NUP155: variants seen among roughly 807,000 people sequenced by gnomAD.
The protein encoded by NUP155 is nuclear pore complex protein Nup155.
Under a neutral mutation model 180.4 loss-of-function variants are expected in NUP155, and 71 were observed. The observed-to-expected ratio is 0.39, with a 90% CI of 0.33 to 0.48. NUP155 has a LOEUF of 0.48. NUP155 is among the 20% of genes least tolerant of loss of function. The pLI is 0.91. For synonymous variants in NUP155, 582 were observed against 559.5 expected (o/e 1.04, Z -0.57); for missense variants, 1,553 against 1,648.9 (o/e 0.94, Z 1.01).
At chr5:37,370,356 G>A (rs925268611) in intron 1 of NUP155, among the ~76,000 whole-genome samples, 1 of 152,182 alleles carries the variant, frequency 6.6e-6, no homozygotes, top group South Asian at 2.1e-4. Context: ...TGGGCGAAGA[G>A]GGAACCGCTC....
chr5:37,310,082 T>C (rs1237410589), intron 23 of NUP155, among the ~76,000 whole-genome samples: 1 of 152,114 alleles, frequency 6.6e-6, no homozygotes, highest in Non-Finnish European at 1.5e-5. Flanking sequence ...CTCACACTTA[T>C]AATCCCAGCA....
chr5:37,320,189 G>A (rs1744154488), intron 20 of NUP155, among the ~76,000 whole-genome samples: 1 of 150,422 alleles, frequency 6.6e-6, no homozygotes, highest in Non-Finnish European at 1.5e-5. Flanking sequence ...GACAGACAGA[G>A]ATAAGTGGCA....
chr5:37,337,190 G>A (rs1299268279), intron 12 of NUP155, among the ~76,000 whole-genome samples: 1 of 152,096 alleles, frequency 6.6e-6, no homozygotes, highest in East Asian at 1.9e-4. Context: ...TCCTCACCCA[G>A]GAAGACCATA....
intron 24 of NUP155, among the ~76,000 whole-genome samples, chr5:37,307,923 CA>C (rs1397316331): frequency 3.1e-4 from 27 of 87,926 alleles, no homozygotes; most frequent in Non-Finnish European, 5.9e-4. Flanking sequence ...CTCTGTCTCA[CA>C]AAAAAAAAAA....
Position 37,327,460 on chromosome 5 carries a change from T to C in NUP155, c.2024+169A>G, listed in dbSNP as rs569821353. Among the ~76,000 whole-genome samples the C allele has an allele frequency of 5.3e-5, 8 of 152,262 alleles. No individual in the cohort carries two copies. In the South Asian group the frequency reaches 1.4e-3, roughly 28 times the overall value. ...GAGAAATAAAACACAGCAATGAATA[T>C]AGTTAGATAACAAAAACTGGAATAA... On this transcript the variant is annotated intron_variant, in intron 18 of 34. Transcript: ENST00000231498.
intron 30 of NUP155, 67 bp downstream of exon 30, chr5:37,301,370 A>C (rs897598247): frequency 9.3e-7 from 1 of 1,076,226 alleles, no homozygotes. Context: ...ACAAAAAGCA[A>C]AATAAAAAAC....
chr5:37,303,544 T>G lies in NUP155; in HGVS notation c.3163-130A>C, dbSNP rs1408227234. The G allele has an allele frequency of 4.0e-6, 3 of 757,458 alleles. No individual in the cohort carries two copies. The Admixed American group carries it at 6.9e-5, about 17-fold the overall frequency. 46.9% of individuals were successfully genotyped at this position (757,458 alleles called of 1,614,324 possible). The stretch of plus-strand genomic sequence containing the variant: ...TTTATGAAAACAAGCAAAATTATAA[T>G]CCAATACTAACAGATAAAAGAGAGG... On this transcript the variant is annotated intron_variant, in intron 27 of 34. Transcript: ENST00000231498.
intron 1 of NUP155, 82 bp downstream of exon 1, chr5:37,370,739 G>A: frequency 6.2e-7 from 1 of 1,612,614 alleles, no homozygotes; most frequent in Non-Finnish European, 8.5e-7. Context: ...TCCTCGCCGG[G>A]ACCAACGCTG....
chr5:37,332,101 C>T (rs1745002736), intron 13 of NUP155, among the ~76,000 whole-genome samples: 1 of 150,222 alleles, frequency 6.7e-6, no homozygotes, highest in Non-Finnish European at 1.5e-5. Context: ...CAAAGCTGCC[C>T]CTTAAACCAG....
intron 30 of NUP155, among the ~76,000 whole-genome samples, chr5:37,300,180 GTGTA>G (rs889191514): frequency 5.9e-5 from 9 of 152,110 alleles, no homozygotes; most frequent in Non-Finnish European, 1.0e-4. Flanking sequence ...TACACAGTAG[GTGTA>G]TGTATTTATG....
chr5:37,294,946 T>C (rs1287984321), intron 32 of NUP155, among the ~76,000 whole-genome samples: 1 of 151,990 alleles, frequency 6.6e-6, no homozygotes, highest in Non-Finnish European at 1.5e-5. Context: ...CAGAAAGATA[T>C]AAGAAGAAAA....
chr5:37,342,877 C>T (rs745847583), intron 9 of NUP155, among the ~76,000 whole-genome samples: 6 of 151,984 alleles, frequency 3.9e-5, no homozygotes, highest in Non-Finnish European at 5.9e-5. Context: ...GCTGGGATTA[C>T]GGGCTCGCGC....
chr5:37,344,714 A>G (rs1219952606), intron 9 of NUP155, among the ~76,000 whole-genome samples: 1 of 152,014 alleles, frequency 6.6e-6, no homozygotes, highest in Non-Finnish European at 1.5e-5. Context: ...TCTACTAAAA[A>G]TACAAAAATT....
At chr5:37,321,883 T>C (rs1744269548) in intron 20 of NUP155, among the ~76,000 whole-genome samples, 2 of 152,198 alleles carry the variant, frequency 1.3e-5, no homozygotes, top group South Asian at 4.1e-4. Flanking sequence ...GAGACAGAGT[T>C]TCACTCTTGT....
intron 24 of NUP155, among the ~76,000 whole-genome samples, chr5:37,307,928 A>G (rs1172404623): frequency 2.8e-5 from 2 of 71,712 alleles, no homozygotes; most frequent in Non-Finnish European, 5.6e-5. Flanking sequence ...TCTCACAAAA[A>G]AAAAAAGAAA....
intron 1 of NUP155, among the ~76,000 whole-genome samples, chr5:37,364,883 G>A (rs369837152): frequency 9.2e-5 from 14 of 151,818 alleles, no homozygotes; most frequent in African/African-American, 1.9e-4. Context: ...TGATCCGCCC[G>A]CCTCGGCCTC....
chr5:37,352,574 A>G lies in NUP155; in HGVS notation c.556+163T>C, dbSNP rs559299931. On this transcript the variant is annotated intron_variant, in intron 5 of 34. Transcript: ENST00000231498. ...ACAAAACAAAACAAAACAAAAAACT[A>G]ACCCAATGTTAACTTGTGGAAAAGA... Among the ~76,000 whole-genome samples, 14 of 152,254 alleles carry G rather than the reference A, an allele frequency of 9.2e-5. No individual in the cohort carries two copies. The East Asian group carries it at 2.7e-3, about 29-fold the overall frequency.
At position 37,363,976 on chromosome 5, in the gene NUP155, A is replaced by G. The variant is rs1747381615; in HGVS notation, c.304T>C (p.Cys102Arg). 1.1e-5 allele frequency: 17 copies of G among 1,610,798 alleles called. No individual in the cohort carries two copies. The highest frequency in any genetic ancestry group is 1.4e-5 in the Non-Finnish European group (17 of 1,177,084). ...GGGAACACACCCATCATGCAATTAC[A>G]CTGCATATCTGAGGTAGTGTGGATG... ...ELVEQFGHMQ[C>R]NCMMGVFPPI... The change falls in exon 3 of 35, where the codon TGT (cysteine) becomes CGT (arginine). Residue 102 changes from cysteine to arginine, a missense_variant. Coordinates refer to ENST00000231498, the MANE Select transcript of NUP155 (RefSeq NM_153485.3).
At chr5:37,355,552 T>TATATAC (rs2111638392) in intron 4 of NUP155, among the ~76,000 whole-genome samples, 1 of 137,850 alleles carries the variant, frequency 7.3e-6, no homozygotes, top group African/African-American at 3.1e-5. Context: ...TGTGTGTATA[T>TATATAC]ATATATATAT....
Sources: allele counts gnomAD v4.1 joint callset (sites outside exome capture counted in the v4.1 genomes callset), GRCh38; gene constraint gnomAD v4.1.1; transcripts MANE v1.5; gene names NCBI Gene and HGNC (gene_info 2026-07-23, HGNC 2026-07-21).